Variants in GPHN observed in about 807,000 individuals in gnomAD.
GPHN encodes the protein gephyrin.
GPHN carries 17 observed loss-of-function variants against 95.5 expected under a neutral mutation model. The ratio of observed to expected loss-of-function variants is 0.18; its 90% CI spans 0.12 to 0.27. GPHN has a LOEUF of 0.27. GPHN is among the 10% of genes least tolerant of loss of function. The pLI, the probability that GPHN is intolerant of heterozygous loss-of-function variation, is 1.00. For missense variants in GPHN, 660 were observed against 978.1 expected (o/e 0.67, Z 4.34); for synonymous variants, 320 against 322.5 (o/e 0.99, Z 0.08).
chr14:67,586,499 C>A, the GPHN span: 2 of 991,694 alleles, frequency 2.0e-6, no homozygotes, highest in Non-Finnish European at 2.8e-6. Flanking sequence ...CCAACATTAG[C>A]TACAAAGTGG....
chr14:66,529,588 C>T (rs1009750055), intron 1 of GPHN, among the ~76,000 whole-genome samples: 1 of 152,134 alleles, frequency 6.6e-6, no homozygotes, highest in Non-Finnish European at 1.5e-5. Context: ...TGGTTTCTCC[C>T]TATCTTTGTG....
intron 2 of GPHN, among the ~76,000 whole-genome samples, chr14:66,755,680 T>C (rs543268181): frequency 6.6e-6 from 1 of 152,260 alleles, no homozygotes; most frequent in South Asian, 2.1e-4. Context: ...TAAAAATTCC[T>C]GTGACCCATG....
the GPHN span, among the ~76,000 whole-genome samples, chr14:67,382,881 AAAG>A: frequency 1.3e-5 from 2 of 151,426 alleles, no homozygotes; most frequent in East Asian, 2.0e-4. Context: ...GTCCAACAAG[AAAG>A]AAGTGTGTGT....
At chr14:67,283,004 A>G in the GPHN span, among the ~76,000 whole-genome samples, 4 of 152,158 alleles carry the variant, frequency 2.6e-5, no homozygotes, top group Non-Finnish European at 5.9e-5. Flanking sequence ...TCTATCATAT[A>G]TGTGACTATA....
chr14:66,779,073 T>C (rs1399466255), intron 3 of GPHN, among the ~76,000 whole-genome samples: 1 of 152,158 alleles, frequency 6.6e-6, no homozygotes, highest in African/African-American at 2.4e-5. Flanking sequence ...GAAAAAAATC[T>C]TGTAATTTGT....
intron 2 of GPHN, among the ~76,000 whole-genome samples, chr14:66,762,001 G>A (rs1319017556): frequency 6.6e-6 from 1 of 152,082 alleles, no homozygotes; most frequent in Non-Finnish European, 1.5e-5. Context: ...CAATGATGTA[G>A]AAGCAGAGGA....
chr14:66,939,580 C>G (rs189127036), intron 8 of GPHN, among the ~76,000 whole-genome samples: 6 of 152,226 alleles, frequency 3.9e-5, no homozygotes, highest in Admixed American at 2.6e-4. Context: ...AGACCCCAGG[C>G]TCCTCCCCTC....
intron 1 of GPHN, among the ~76,000 whole-genome samples, chr14:66,598,853 AAAG>A (rs1306683168): frequency 6.6e-6 from 1 of 151,804 alleles, no homozygotes. Context: ...AAAAAAAAAA[AAAG>A]GAAAGAAATT....
chr14:67,366,404 G>A, the GPHN span, among the ~76,000 whole-genome samples: 367 of 152,276 alleles, frequency 2.4e-3, 3 homozygotes, highest in East Asian at 0.033. Context: ...ATACACAAAA[G>A]GAGGAATCAA....
At chr14:66,774,249 G>C (rs549573786) in intron 2 of GPHN, among the ~76,000 whole-genome samples, 1 of 151,432 alleles carries the variant, frequency 6.6e-6, no homozygotes, top group Non-Finnish European at 1.5e-5. Context: ...TGATCCGCCC[G>C]CCTCGGGCTC....
At chr14:67,615,737 CA>C in the GPHN span, 12 of 479,384 alleles carry the variant, frequency 2.5e-5, no homozygotes, top group Middle Eastern at 6.7e-4. Context: ...AAAGGGGAGA[CA>C]AAAAAAGTTT....
At chr14:67,249,631 T>C in the GPHN span, among the ~76,000 whole-genome samples, 4 of 152,244 alleles carry the variant, frequency 2.6e-5, no homozygotes, top group Admixed American at 6.5e-5. Context: ...TATGTGTCTA[T>C]AGTTATCTTT....
intron 11 of GPHN, among the ~76,000 whole-genome samples, chr14:67,083,321 A>T (rs1353737221): frequency 1.3e-5 from 2 of 151,798 alleles, no homozygotes; most frequent in Non-Finnish European, 2.9e-5. Flanking sequence ...CTGTGCTGTC[A>T]TCATGATAGT....
At chr14:67,109,200 C>CA (rs1169015690) in intron 13 of GPHN, among the ~76,000 whole-genome samples, 2 of 152,298 alleles carry the variant, frequency 1.3e-5, no homozygotes, top group East Asian at 3.9e-4. Context: ...CAACATTGAG[C>CA]AAACTATCCT....
At chr14:67,341,836 A>C in the GPHN span, among the ~76,000 whole-genome samples, 10 of 152,294 alleles carry the variant, frequency 6.6e-5, no homozygotes, top group Non-Finnish European at 1.3e-4. Flanking sequence ...TTTGTTCTGT[A>C]CTAAGAAAAA....
At chr14:67,514,394 A>G in the GPHN span, among the ~76,000 whole-genome samples, 6 of 152,190 alleles carry the variant, frequency 3.9e-5, no homozygotes, top group African/African-American at 1.4e-4. Context: ...TCCCCATCCC[A>G]GCCAGGCATC....
At chr14:67,671,530 A>C in the GPHN span, among the ~76,000 whole-genome samples, 1 of 152,176 alleles carries the variant, frequency 6.6e-6, no homozygotes, top group African/African-American at 2.4e-5. Context: ...TATCTCAAAA[A>C]AACAAAAAAA....
chr14:67,284,473 G>T, the GPHN span, among the ~76,000 whole-genome samples: 1 of 125,724 alleles, frequency 8.0e-6, no homozygotes, highest in African/African-American at 3.1e-5. Flanking sequence ...TGCTTCTGTA[G>T]TCCCAGCATA....
chr14:67,144,726 T>C (rs941436569), intron 18 of GPHN, among the ~76,000 whole-genome samples: 8 of 152,330 alleles, frequency 5.3e-5, no homozygotes, highest in African/African-American at 1.4e-4. Flanking sequence ...ATAACCTGAC[T>C]CTTTGGACAG....
Sources: gnomAD v4.1 joint callset for allele counts (sites outside exome capture counted in the v4.1 genomes callset) on GRCh38, gnomAD v4.1.1 for gene constraint, MANE v1.5 for transcripts, NCBI Gene and HGNC (gene_info 2026-07-23, HGNC 2026-07-21) for gene names.